The following ADGRL2 variants were observed in gnomAD, a reference collection of about 807,000 sequenced individuals.
ADGRL2 encodes calcium-independent alpha-latrotoxin receptor 2.
In ADGRL2, 44 loss-of-function variants were observed where a neutral mutation model predicts 157.4. The observed-to-expected ratio is 0.28, with a 90% CI of 0.22 to 0.36. The LOEUF is 0.36. Among genes scored for constraint, ADGRL2 ranks in the 10% least tolerant of loss-of-function variants. The probability of loss-of-function intolerance (pLI) is 1.00; values close to 1 mark genes in which losing one functional copy is unlikely to be tolerated. For missense variants in ADGRL2, 1,510 were observed against 1,768.9 expected, an observed-to-expected ratio of 0.85 and a Z score of 2.63; for synonymous variants, 585 against 624.7, an observed-to-expected ratio of 0.94 and a Z score of 0.95.
chr1:81,790,654 A>G (rs1276729209), intron 2 of ADGRL2, among the ~76,000 whole-genome samples: 1 of 152,242 alleles, frequency 6.6e-6, no homozygotes, highest in Non-Finnish European at 1.5e-5. Flanking sequence ...TCATCATTAT[A>G]GGAATCTAAC....
chr1:81,373,168 C>A (rs924359076), intron 1 of ADGRL2, among the ~76,000 whole-genome samples: 1 of 152,106 alleles, frequency 6.6e-6, no homozygotes, highest in Non-Finnish European at 1.5e-5. Context: ...TGTACAGAAC[C>A]TTTTAGAAAG....
At chr1:81,647,852 C>A (rs1489960329) in intron 3 of ADGRL2, among the ~76,000 whole-genome samples, 1 of 152,120 alleles carries the variant, frequency 6.6e-6, no homozygotes, top group African/African-American at 2.4e-5. Flanking sequence ...TGGGAAGATG[C>A]GATAACAGCA....
intron 2 of ADGRL2, chr1:81,502,659 C>T (rs1276885982): frequency 6.2e-7 from 1 of 1,613,750 alleles, no homozygotes. Flanking sequence ...ACCCTCAGCT[C>T]AGGACGCAGT....
rs1289031357 is a variant in ADGRL2, at chr1:81,952,027, C to T, written c.1679C>T (p.Ala560Val). 6.2e-7 allele frequency: 1 copy of T among 1,613,594 alleles called. No homozygotes were observed. The highest frequency in any genetic ancestry group is 8.5e-7 in the Non-Finnish European group (1 of 1,179,636). Reference protein sequence around the residue: ...LAKHTKGPVFAGDVSSSVRLM... With the variant: ...LAKHTKGPVFVGDVSSSVRLM... ...AAACATACCAAAGGGCCAGTGTTTGCTGGGGATGTAAGTTCTTCAGTGAGA... is the reference window on the plus strand; with the variant it reads ...AAACATACCAAAGGGCCAGTGTTTGTTGGGGATGTAAGTTCTTCAGTGAGA... The change falls in exon 9 of 24, where the codon GCT (alanine) becomes GTT (valine). Residue 560 changes from alanine (A) to valine (V), a missense_variant. Coordinates refer to ENST00000686636, the MANE Select transcript of ADGRL2 (RefSeq NM_001366006.2).
intron 2 of ADGRL2, chr1:81,502,855 CCA>C (rs1471774155): frequency 5.0e-6 from 8 of 1,613,002 alleles, no homozygotes; most frequent in Admixed American, 3.3e-5. Context: ...CCTCCTCTCC[CCA>C]CCCAAGATCC....
At chr1:81,920,283 A>G (rs1394197891) in intron 3 of ADGRL2, among the ~76,000 whole-genome samples, 1 of 152,202 alleles carries the variant, frequency 6.6e-6, no homozygotes, top group Non-Finnish European at 1.5e-5. Context: ...AGAAGATAAA[A>G]TAGAATAAAA....
At chr1:81,874,670 C>G (rs1169134742) in intron 2 of ADGRL2, among the ~76,000 whole-genome samples, 1 of 147,220 alleles carries the variant, frequency 6.8e-6, no homozygotes, top group Non-Finnish European at 1.5e-5. Flanking sequence ...CTGTCCTGTC[C>G]TGTCATGTCT....
At chr1:81,385,797 T>C (rs2076424774) in intron 1 of ADGRL2, among the ~76,000 whole-genome samples, 1 of 152,074 alleles carries the variant, frequency 6.6e-6, no homozygotes, top group South Asian at 2.1e-4. Flanking sequence ...GAAGAATCCT[T>C]GGAAGAAAAA....
intron 2 of ADGRL2, among the ~76,000 whole-genome samples, chr1:81,549,889 TAGACA>T (rs1278504076): frequency 1.3e-5 from 2 of 152,114 alleles, no homozygotes; most frequent in Non-Finnish European, 2.9e-5. Flanking sequence ...CTATCCCAAG[TAGACA>T]GTAATCACAG....
At chr1:81,715,700 A>G (rs2084093920) in intron 1 of ADGRL2, among the ~76,000 whole-genome samples, 1 of 152,150 alleles carries the variant, frequency 6.6e-6, no homozygotes, top group Non-Finnish European at 1.5e-5. Context: ...CTCTGCATAC[A>G]TGTCAAATGG....
chr1:81,757,874 A>C (rs980856913), intron 1 of ADGRL2, among the ~76,000 whole-genome samples: 1 of 152,186 alleles, frequency 6.6e-6, no homozygotes, highest in Non-Finnish European at 1.5e-5. Context: ...GATACTGTGC[A>C]AGACCGTCAG....
In ADGRL2 at chr1:81,886,421, C is replaced by T. The variant is rs189089586; in HGVS notation, c.74-20596C>T. 3.3e-5 allele frequency among the ~76,000 whole-genome samples: 5 copies of T among 152,272 alleles called. No individual in the cohort carries two copies. In the East Asian group the frequency reaches 5.8e-4, roughly 18 times the overall value. On this transcript the variant is annotated intron_variant, in intron 2 of 23. Transcript: ENST00000686636. ...TCCTGACCTCGTGATCTGCCCGTCT[C>T]GGCTTCCCAAAGTGCTGGGATTACA... is the stretch of plus-strand genomic sequence containing the variant.
At chr1:81,694,303 A>G (rs2149002506) in intron 3 of ADGRL2, among the ~76,000 whole-genome samples, 1 of 152,304 alleles carries the variant, frequency 6.6e-6, no homozygotes, top group South Asian at 2.1e-4. Flanking sequence ...ATTATTTGCT[A>G]GCAGTGTGAT....
intron 3 of ADGRL2, among the ~76,000 whole-genome samples, chr1:81,613,481 C>T (rs7520879): frequency 0.23 from 35,405 of 151,914 alleles, 4,883 homozygotes; most frequent in African/African-American, 0.36. Flanking sequence ...GTGCTCTGAG[C>T]GTGCTGTTAG....
intron 14 of ADGRL2, 128 bp from the exon 15 acceptor site, chr1:81,969,050 G>C (rs1178421953): frequency 2.8e-5 from 19 of 673,610 alleles, no homozygotes; most frequent in Non-Finnish European, 5.1e-6. Context: ...AGCCTTTTTT[G>C]AACACATATG....
intron 1 of ADGRL2, among the ~76,000 whole-genome samples, chr1:81,330,030 G>A (rs1457733264): frequency 1.3e-5 from 2 of 152,058 alleles, no homozygotes. Context: ...TGATTAAATT[G>A]CATTTAAGTA....
chr1:81,858,989 TG>T (rs2093302691), intron 2 of ADGRL2, among the ~76,000 whole-genome samples: 1 of 152,200 alleles, frequency 6.6e-6, no homozygotes, highest in African/African-American at 2.4e-5. Context: ...ACTGAGTAAA[TG>T]TAATTTTGAT....
intron 1 of ADGRL2, among the ~76,000 whole-genome samples, chr1:81,421,170 A>G (rs558286592): frequency 3.4e-4 from 52 of 152,248 alleles, no homozygotes; most frequent in African/African-American, 1.2e-3. Flanking sequence ...TTTTTCTCCT[A>G]TTACGTGTTT....
intron 3 of ADGRL2, among the ~76,000 whole-genome samples, chr1:81,930,405 T>C (rs1359737265): frequency 1.3e-5 from 2 of 151,818 alleles, no homozygotes. Flanking sequence ...CTTTACACAT[T>C]TTTTTGAGAA....
Sources: gnomAD v4.1 joint callset for allele counts (sites outside exome capture counted in the v4.1 genomes callset) on GRCh38, gnomAD v4.1.1 for gene constraint, MANE v1.5 for transcripts, NCBI Gene and HGNC (gene_info 2026-07-23, HGNC 2026-07-21) for gene names.